NRG2: variants seen among roughly 807,000 people sequenced by gnomAD.
NRG2 encodes the protein pro-neuregulin-2, membrane-bound isoform.
NRG2 carries 27 observed loss-of-function variants against 73.9 expected under a neutral mutation model. That is an observed-to-expected ratio of 0.37 (90% CI 0.27 to 0.50). NRG2 has a LOEUF of 0.50. NRG2 is among the 20% of genes least tolerant of loss of function. The pLI, the probability that NRG2 is intolerant of heterozygous loss-of-function variation, is 0.96. For missense variants in NRG2, 1,126 were observed against 1,210.1 expected (o/e 0.93, Z 1.03); for synonymous variants, 532 against 541.0 (o/e 0.98, Z 0.23).
At chr5:139,923,757 G>A (rs968179266) in intron 1 of NRG2, among the ~76,000 whole-genome samples, 1 of 152,088 alleles carries the variant, frequency 6.6e-6, no homozygotes, top group African/African-American at 2.4e-5. Flanking sequence ...CCTGACAAAT[G>A]AGAGATGAAG....
At chr5:139,849,204 G>A (rs1380114270) in intron 9 of NRG2, among the ~76,000 whole-genome samples, 1 of 152,166 alleles carries the variant, frequency 6.6e-6, no homozygotes, top group Non-Finnish European at 1.5e-5. Context: ...ACTTATTCAG[G>A]ATTTACACAG....
At chr5:140,011,443 A>G (rs1331724265) in intron 1 of NRG2, among the ~76,000 whole-genome samples, 2 of 152,186 alleles carry the variant, frequency 1.3e-5, no homozygotes, top group Admixed American at 1.3e-4. Context: ...CTTAGAATAA[A>G]TAGAATATGA....
rs763868809 is a variant in NRG2, at chr5:139,926,852, C to T, written c.701-39341G>A. On this transcript the variant is annotated intron_variant, in intron 1 of 9. Coordinates refer to ENST00000361474, the MANE Select transcript of NRG2 (RefSeq NM_004883.3). ...TCCCTCCATGGATTGAATCTCCATT[C>T]GCCCTCCTTTGGGAAGTCTGATATT... is the stretch of plus-strand genomic sequence containing the variant. Among the ~76,000 whole-genome samples, 11 of 152,334 alleles carry T rather than the reference C, an allele frequency of 7.2e-5. No homozygotes were observed. The East Asian group carries it at 9.6e-4, about 13-fold the overall frequency.
At chr5:140,029,179 G>C (rs1396197235) in intron 1 of NRG2, among the ~76,000 whole-genome samples, 1 of 152,112 alleles carries the variant, frequency 6.6e-6, no homozygotes, top group African/African-American at 2.4e-5. Flanking sequence ...TTCCATTTTG[G>C]GGTGTTTTGC....
chr5:139,862,265 A>C (rs1359148096), intron 5 of NRG2, among the ~76,000 whole-genome samples: 1 of 152,180 alleles, frequency 6.6e-6, no homozygotes, highest in Non-Finnish European at 1.5e-5. Flanking sequence ...TTTGAGTCAA[A>C]GGCCAGTACT....
chr5:139,966,710 T>G (rs1561715207), intron 1 of NRG2, among the ~76,000 whole-genome samples: 1 of 151,808 alleles, frequency 6.6e-6, no homozygotes, highest in Non-Finnish European at 1.5e-5. Context: ...GAGGAGAGGC[T>G]GAGAGAGAGA....
At chr5:139,879,224 G>A (rs1439986645) in intron 3 of NRG2, among the ~76,000 whole-genome samples, 4 of 152,086 alleles carry the variant, frequency 2.6e-5, no homozygotes. Context: ...CCCCTCTCCT[G>A]AGGCTCACAG....
chr5:139,861,949 C>A (rs964193758), intron 5 of NRG2, among the ~76,000 whole-genome samples: 1 of 152,150 alleles, frequency 6.6e-6, no homozygotes, highest in Non-Finnish European at 1.5e-5. Context: ...CACTTTCCGA[C>A]GAGGTGGTTG....
intron 1 of NRG2, among the ~76,000 whole-genome samples, chr5:140,006,746 C>G (rs1356877646): frequency 6.6e-6 from 1 of 152,148 alleles, no homozygotes; most frequent in Admixed American, 6.5e-5. Flanking sequence ...CTTATTATCT[C>G]TAGGTGGTTG....
At chr5:140,039,416 T>C (rs1230594974) in intron 1 of NRG2, among the ~76,000 whole-genome samples, 1 of 152,146 alleles carries the variant, frequency 6.6e-6, no homozygotes, top group Non-Finnish European at 1.5e-5. Flanking sequence ...TTCTAAGAAA[T>C]GCAAAGATTT....
Position 139,847,785 on chromosome 5 carries a change from G to A in NRG2, c.*132C>T, listed in dbSNP as rs1407695725. ...TGCTAAAATGAAAATAAAACATTTTGTTATACTTTTTTCCTTTTATAGAAA... is the reference window on the plus strand; with the variant it reads ...TGCTAAAATGAAAATAAAACATTTTATTATACTTTTTTCCTTTTATAGAAA... On this transcript the variant is annotated 3_prime_UTR_variant, in exon 10 of 10. Coordinates refer to ENST00000361474, the MANE Select transcript of NRG2 (RefSeq NM_004883.3). 1.5e-6 allele frequency: 1 copy of A among 647,406 alleles called. No homozygotes were observed. The highest frequency in any genetic ancestry group is 2.2e-6 in the Non-Finnish European group (1 of 449,824). The allele number at this position is 647,406 out of a possible 1,614,324, so 40.1% of individuals were successfully genotyped here. A position where few individuals can be genotyped will look rare whatever the true frequency, so the allele number is the denominator to read the frequency against.
chr5:139,987,304 G>A (rs1554117789), intron 1 of NRG2, among the ~76,000 whole-genome samples: 1 of 141,530 alleles, frequency 7.1e-6, no homozygotes, highest in Non-Finnish European at 1.5e-5. Context: ...GGAGGCGGAA[G>A]TTGCAGTGAG....
rs1404779373 is a variant in NRG2, at chr5:139,852,936, G to T, written c.1384C>A (p.Arg462=). ...ATCTGGATCTCCTCTGGGTCCAGCC[G>T]GGGGTGGCTGGGCCCATTGGCCAAG... The part of the protein sequence containing the change: ...RSLANGPSHP[R]LDPEEIQMAD... The change falls in exon 7 of 10, where the codon CGG becomes AGG. Residue 462 remains arginine (R), a synonymous_variant. Transcript: ENST00000361474. The surrounding 1 kb of genome is among the most constrained non-coding windows in gnomAD (Gnocchi z 4.4). 1.2e-6 allele frequency: 2 copies of T among 1,611,596 alleles called. No individual in the cohort carries two copies. Among genetic ancestry groups the T allele is most frequent in the Non-Finnish European group, 1.7e-6 (2 of 1,179,310 alleles).
intron 1 of NRG2, among the ~76,000 whole-genome samples, chr5:139,893,707 A>AG (rs11438114): frequency 0.24 from 35,785 of 152,026 alleles, 5,208 homozygotes; most frequent in African/African-American, 0.41. Flanking sequence ...TACTTCATCC[A>AG]TTCTCTTCCT....
At chr5:139,874,882 A>G (rs1206245451) in intron 3 of NRG2, among the ~76,000 whole-genome samples, 1 of 152,170 alleles carries the variant, frequency 6.6e-6, no homozygotes, top group African/African-American at 2.4e-5. Flanking sequence ...TCAAAATACA[A>G]CAAGTGTCTC....
rs540509343 is a variant in NRG2, at chr5:139,874,681, T to G, written c.992-2840A>C. Among the ~76,000 whole-genome samples the G allele has an allele frequency of 3.3e-5, 5 of 152,348 alleles. No homozygotes were observed. In the East Asian group the frequency reaches 9.6e-4, roughly 29 times the overall value. ...AAAATATGTAAATTGTATCAATCTT[T>G]TCTATTACCAAAGCTCTCCAGTGGC... On this transcript the variant is annotated intron_variant, in intron 3 of 9. Coordinates refer to ENST00000361474, the MANE Select transcript of NRG2 (RefSeq NM_004883.3).
chr5:139,931,475 C>T (rs1028308252), intron 1 of NRG2, among the ~76,000 whole-genome samples: 3 of 152,142 alleles, frequency 2.0e-5, no homozygotes, highest in African/African-American at 7.2e-5. Context: ...GGAGGCCCTT[C>T]CCCTGGTCCG....
At chr5:140,040,215 AT>A (rs200732808) in intron 1 of NRG2, among the ~76,000 whole-genome samples, 26 of 151,078 alleles carry the variant, frequency 1.7e-4, no homozygotes, top group African/African-American at 4.9e-4. Flanking sequence ...ATTCAAAGCA[AT>A]TTTTTTTTGC....
At position 140,043,265 on chromosome 5, in the gene NRG2, G is replaced by A; in HGVS notation, c.-196C>T. 8.6e-6 allele frequency: 5 copies of A among 582,760 alleles called. No individual in the cohort carries two copies. In the Admixed American group the frequency reaches 1.4e-4, roughly 16 times the overall value. The allele number at this position is 582,760 out of a possible 1,614,324, so 36.1% of individuals were successfully genotyped here. A position where few individuals can be genotyped will look rare whatever the true frequency, so the allele number is the denominator to read the frequency against. Reference sequence around the variant, plus strand: ...GATGCGCAGCGCGGCGCAGCGCAGCGCTCCCACCCTGTGCGCCAGGACCTG... The same window carrying A: ...GATGCGCAGCGCGGCGCAGCGCAGCACTCCCACCCTGTGCGCCAGGACCTG... On this transcript the variant is annotated 5_prime_UTR_variant, in exon 1 of 10. Transcript: ENST00000361474. This position sits in a 1 kb window ranked among gnomAD's most constrained non-coding sequence, Gnocchi z 6.7.
Sources: allele counts gnomAD v4.1 joint callset (sites outside exome capture counted in the v4.1 genomes callset), GRCh38; gene constraint gnomAD v4.1.1; non-coding constraint Gnocchi (gnomAD v3.1); transcripts MANE v1.5; gene names NCBI Gene and HGNC (gene_info 2026-07-23, HGNC 2026-07-21).